The following SEC23B variants were observed in gnomAD, a reference collection of about 807,000 sequenced individuals.
The protein encoded by SEC23B is SEC23 homolog B, COPII component.
In SEC23B, 77 loss-of-function variants were observed where a neutral mutation model predicts 104.3. The observed-to-expected ratio is 0.74, with a 90% CI of 0.61 to 0.89. SEC23B has a LOEUF of 0.89. Among genes scored for constraint, SEC23B ranks in the 40% least tolerant of loss-of-function variants. SEC23B has a pLI of 0.00. For synonymous variants in SEC23B, 338 were observed against 332.5 expected (o/e 1.02, Z -0.18); for missense variants, 885 against 949.4 (o/e 0.93, Z 0.89).
intron 6 of SEC23B, 138 bp from the exon 7 acceptor site, chr20:18,525,650 T>G (rs1172415633): frequency 1.2e-6 from 1 of 858,256 alleles, no homozygotes; most frequent in Non-Finnish European, 1.9e-6. Flanking sequence ...AGTAGAGAGA[T>G]AGCTTTGAAG....
intron 3 of SEC23B, among the ~76,000 whole-genome samples, 178 bp downstream of exon 3, chr20:18,512,460 T>A (rs989926441): frequency 1.3e-5 from 2 of 152,220 alleles, no homozygotes; most frequent in Non-Finnish European, 2.9e-5. Context: ...TTCTGTTGAG[T>A]GGTTTTCTTG....
chr20:18,539,841 C>T (rs1011083452), intron 12 of SEC23B, among the ~76,000 whole-genome samples: 8 of 151,644 alleles, frequency 5.3e-5, no homozygotes, highest in Non-Finnish European at 8.8e-5. Context: ...GACGGGGTTT[C>T]ACCGTGTTGT....
At chr20:18,542,524 T>G in intron 13 of SEC23B, 122 bp downstream of exon 13, 1 of 1,011,148 alleles carries the variant, frequency 9.9e-7, no homozygotes, top group Non-Finnish European at 1.5e-6. Context: ...CAGACCTCAT[T>G]AGCTTATTTG....
intron 9 of SEC23B, among the ~76,000 whole-genome samples, chr20:18,529,661 C>T (rs2060165264): frequency 6.6e-6 from 1 of 152,222 alleles, no homozygotes; most frequent in Admixed American, 6.5e-5. Flanking sequence ...AAGGATTGCT[C>T]TTCCTGGAGG....
At chr20:18,528,974 A>C (rs2060158132) in intron 9 of SEC23B, among the ~76,000 whole-genome samples, 1 of 152,224 alleles carries the variant, frequency 6.6e-6, no homozygotes. Context: ...AGGGAAGACC[A>C]TATTCTTGGT....
chr20:18,560,592 C>T, intron 19 of SEC23B, 59 bp from the exon 20 acceptor site: 13 of 1,351,120 alleles, frequency 9.6e-6, no homozygotes, highest in Non-Finnish European at 1.4e-5. Flanking sequence ...CTTGACAGCT[C>T]ATGAATTCTA....
intron 16 of SEC23B, 87 bp downstream of exon 16, chr20:18,548,857 AAAAAGAAGT>A: frequency 7.4e-7 from 1 of 1,345,164 alleles, no homozygotes; most frequent in Non-Finnish European, 1.1e-6. Context: ...CAGAACTGTA[AAAAAGAAGT>A]AAAATTTGGA....
chr20:18,559,392 C>T (rs981962506), intron 19 of SEC23B, among the ~76,000 whole-genome samples: 1 of 152,084 alleles, frequency 6.6e-6, no homozygotes, highest in Non-Finnish European at 1.5e-5. Context: ...CTACTGACAC[C>T]ACAGGGGTAG....
At chr20:18,510,763 T>C in intron 1 of SEC23B, 59 bp from the exon 2 acceptor site, 1 of 1,349,390 alleles carries the variant, frequency 7.4e-7, no homozygotes, top group East Asian at 2.3e-5. Context: ...CATCTTCTTT[T>C]TTTGACATTT....
At chr20:18,554,784 G>A (rs1274567994) in intron 18 of SEC23B, among the ~76,000 whole-genome samples, 3 of 145,190 alleles carry the variant, frequency 2.1e-5, no homozygotes, top group Non-Finnish European at 3.0e-5. Context: ...CTGAGATCGT[G>A]CCACTGCACT....
chr20:18,545,104 C>T (rs940804329), intron 14 of SEC23B, among the ~76,000 whole-genome samples: 2 of 152,080 alleles, frequency 1.3e-5, no homozygotes, highest in Non-Finnish European at 2.9e-5. Flanking sequence ...GATGTCCTGA[C>T]TGGGGCTCAG....
intron 11 of SEC23B, among the ~76,000 whole-genome samples, chr20:18,535,336 C>T (rs750650870): frequency 2.0e-5 from 3 of 151,782 alleles, no homozygotes; most frequent in African/African-American, 7.3e-5. Context: ...GATTGTGTCA[C>T]GGCACTCCAG....
In SEC23B at chr20:18,524,477, A is replaced by G; in HGVS notation, c.411A>G (p.Thr137=). ...SPLIFLYVVD[T]CLEEDDLQAL... ...TGATCTTTCTCTATGTGGTTGACAC[A>G]TGCCTGGAGGAAGATGACCTTCAAG... The change falls in exon 5 of 20, where the codon ACA becomes ACG. Residue 137 remains threonine, a synonymous_variant. Coordinates refer to ENST00000650089, the MANE Select transcript of SEC23B (RefSeq NM_006363.6). The G allele has an allele frequency of 6.2e-7, 1 of 1,614,198 alleles. No homozygotes were observed. The highest frequency in any genetic ancestry group is 1.1e-5 in the South Asian group (1 of 91,090).
intron 9 of SEC23B, 88 bp downstream of exon 9, chr20:18,527,699 C>G (rs1341515975): frequency 1.1e-6 from 1 of 890,826 alleles, no homozygotes; most frequent in African/African-American, 1.6e-5. Flanking sequence ...ATGGGCAAGG[C>G]CAACTCAGAG....
intron 3 of SEC23B, among the ~76,000 whole-genome samples, chr20:18,514,442 C>T (rs139828657): frequency 1.3e-5 from 2 of 152,180 alleles, no homozygotes; most frequent in Non-Finnish European, 2.9e-5. Context: ...TGCTGGGGCT[C>T]GCAAGCTCAG....
chr20:18,547,553 C>T lies in SEC23B; in HGVS notation c.1744-1056C>T, dbSNP rs78399235. Among the ~76,000 whole-genome samples, 556 of 152,176 alleles carry T rather than the reference C, an allele frequency of 3.7e-3. 1 individual carries two copies. The highest frequency in any genetic ancestry group is 0.012 in the African/African-American group (514 of 41,510). On this transcript the variant is annotated intron_variant, in intron 15 of 19. Transcript: ENST00000650089. The stretch of plus-strand genomic sequence containing the variant: ...GAGAACCTATGGTTGCAGTGTCATC[C>T]CTTGTCCCTTTCTCCCCTGCACCAA...
intron 1 of SEC23B, among the ~76,000 whole-genome samples, chr20:18,510,487 G>A (rs759829946): frequency 6.6e-5 from 10 of 152,208 alleles, no homozygotes; most frequent in Admixed American, 2.6e-4. Context: ...TAGTTGGGCC[G>A]GGTACAGTGG....
Position 18,554,234 on chromosome 20 carries a change from G to T in SEC23B, c.1993-1G>T. 2 of 1,614,156 alleles carry T rather than the reference G, an allele frequency of 1.2e-6. No homozygotes were observed. The highest frequency in any genetic ancestry group is 1.1e-5 in the South Asian group (1 of 91,070). The stretch of plus-strand genomic sequence containing the variant: ...GTTTTGGTTGGTTTGTTTCTGTGTA[G>T]ACCATAGCCCAGTGGCGTAAAGCTG... On this transcript the variant is annotated splice_acceptor_variant, in intron 17 of 19. Transcript: ENST00000650089. LOFTEE classifies it high-confidence loss of function.
intron 1 of SEC23B, chr20:18,509,551 G>A (rs2059962807): frequency 6.6e-6 from 1 of 152,130 alleles, no homozygotes; most frequent in Admixed American, 6.5e-5. Flanking sequence ...GGATCATCTG[G>A]GTTTGAGAGT....
Sources: gnomAD v4.1 joint callset for allele counts (sites outside exome capture counted in the v4.1 genomes callset) on GRCh38, gnomAD v4.1.1 for gene constraint, MANE v1.5 for transcripts, NCBI Gene and HGNC (gene_info 2026-07-23, HGNC 2026-07-21) for gene names.